The following MTHFD1L variants were observed in gnomAD, a reference collection of about 807,000 sequenced individuals.
MTHFD1L encodes the protein monofunctional C1-tetrahydrofolate synthase, mitochondrial.
Under a neutral mutation model 119.5 loss-of-function variants are expected in MTHFD1L, and 81 were observed. The ratio of observed to expected loss-of-function variants is 0.68; its 90% CI spans 0.57 to 0.82. MTHFD1L has a LOEUF of 0.82. MTHFD1L is among the 40% of genes least tolerant of loss of function. MTHFD1L has a pLI of 0.00. For missense variants in MTHFD1L, 1,125 were observed against 1,253.4 expected, an observed-to-expected ratio of 0.90 and a Z score of 1.55; for synonymous variants, 430 against 475.2, an observed-to-expected ratio of 0.90 and a Z score of 1.24.
intron 17 of MTHFD1L, 110 bp from the exon 18 acceptor site, chr6:150,960,165 G>T (rs1260152758): frequency 7.2e-7 from 1 of 1,388,840 alleles, no homozygotes; most frequent in African/African-American, 1.5e-5. Flanking sequence ...CCTTTTGAGG[G>T]TAGACTCTCT....
At position 151,010,971 on chromosome 6, in the gene MTHFD1L, C is replaced by T. The variant is rs181372934; in HGVS notation, c.2265+1013C>T. Among the ~76,000 whole-genome samples, 28 of 152,262 alleles carry T rather than the reference C, an allele frequency of 1.8e-4. No individual in the cohort carries two copies. The East Asian group carries it at 3.9e-3, about 21-fold the overall frequency. ...GGGAGAGGTGGACATGATTTTTATA[C>T]CATTTTACAGATAAGGAAGCTGAGT... is the stretch of plus-strand genomic sequence containing the variant. On this transcript the variant is annotated intron_variant, in intron 21 of 27. Transcript: ENST00000367321.
intron 10 of MTHFD1L, among the ~76,000 whole-genome samples, chr6:150,925,439 G>A (rs1789767205): frequency 6.6e-6 from 1 of 152,114 alleles, no homozygotes; most frequent in Non-Finnish European, 1.5e-5. Flanking sequence ...AGCAGTGGTG[G>A]CCAGTAAAAT....
chr6:150,930,512 A>G (rs1269950160), intron 11 of MTHFD1L, among the ~76,000 whole-genome samples: 1 of 152,034 alleles, frequency 6.6e-6, no homozygotes, highest in Non-Finnish European at 1.5e-5. Context: ...AAAATTTAAC[A>G]TAAAGTAAAA....
intron 7 of MTHFD1L, among the ~76,000 whole-genome samples, chr6:150,891,627 A>G (rs1315740845): frequency 2.0e-5 from 3 of 151,292 alleles, no homozygotes; most frequent in Non-Finnish European, 2.9e-5. Context: ...AATGCAAACT[A>G]CGAACCAAAT....
chr6:151,084,070 AC>A (rs1246396534), intron 26 of MTHFD1L, among the ~76,000 whole-genome samples: 6 of 152,216 alleles, frequency 3.9e-5, no homozygotes, highest in African/African-American at 1.4e-4. Context: ...TTCCTCAGAA[AC>A]CTTCCTTGAG....
At chr6:150,920,478 A>G (rs1484842312) in intron 9 of MTHFD1L, among the ~76,000 whole-genome samples, 1 of 152,204 alleles carries the variant, frequency 6.6e-6, no homozygotes, top group Non-Finnish European at 1.5e-5. Flanking sequence ...GGGTCATTAG[A>G]CATTTTTGTA....
chr6:151,019,068 ATGGCAGG>A (rs1302779195), intron 24 of MTHFD1L, among the ~76,000 whole-genome samples: 1 of 152,250 alleles, frequency 6.6e-6, no homozygotes, highest in Non-Finnish European at 1.5e-5. Flanking sequence ...GCCAACTCAG[ATGGCAGG>A]TGGCCAAGGA....
intron 1 of MTHFD1L, among the ~76,000 whole-genome samples, chr6:150,868,091 C>T (rs187769589): frequency 1.3e-5 from 2 of 152,000 alleles, no homozygotes. Flanking sequence ...TGACCCACCG[C>T]GCCTGGGCTA....
At chr6:151,094,610 G>A (rs1794738635) in intron 27 of MTHFD1L, among the ~76,000 whole-genome samples, 1 of 152,036 alleles carries the variant, frequency 6.6e-6, no homozygotes, top group Middle Eastern at 3.2e-3. Flanking sequence ...GCGGCACTGT[G>A]TGGGCTCACT....
intron 2 of MTHFD1L, 53 bp downstream of exon 2, chr6:150,876,227 G>A: frequency 1.5e-6 from 2 of 1,349,088 alleles, no homozygotes. Flanking sequence ...TTTCAATTTA[G>A]AAAATGATTG....
At chr6:150,906,327 G>T (rs1452291787) in intron 8 of MTHFD1L, among the ~76,000 whole-genome samples, 1 of 152,204 alleles carries the variant, frequency 6.6e-6, no homozygotes, top group Non-Finnish European at 1.5e-5. Context: ...ATTTTGCCAA[G>T]GTATCCAGGA....
In MTHFD1L at chr6:150,914,591, C is replaced by G. The variant is rs1161045667; in HGVS notation, c.893-3986C>G. Reference sequence around the variant, plus strand: ...GACGGATTGCTTGAGCCTGGGAGGTCAAGGCTGCAATGATCGTGATCACAT... The same window carrying G: ...GACGGATTGCTTGAGCCTGGGAGGTGAAGGCTGCAATGATCGTGATCACAT... On this transcript the variant is annotated intron_variant, in intron 8 of 27. Coordinates refer to ENST00000367321, the MANE Select transcript of MTHFD1L (RefSeq NM_015440.5). 4.6e-5 allele frequency among the ~76,000 whole-genome samples: 7 copies of G among 151,726 alleles called. No individual in the cohort carries two copies. In the East Asian group the frequency reaches 1.4e-3, roughly 30 times the overall value.
At chr6:151,050,804 C>T (rs35219813) in intron 26 of MTHFD1L, among the ~76,000 whole-genome samples, 15,279 of 152,104 alleles carry the variant, frequency 0.1, 1,009 homozygotes, top group Non-Finnish European at 0.15. Flanking sequence ...GAGGAAAACA[C>T]GGTTTGAGGA....
chr6:150,888,994 G>A (rs1285186871), intron 7 of MTHFD1L, among the ~76,000 whole-genome samples: 3 of 152,096 alleles, frequency 2.0e-5, no homozygotes, highest in Admixed American at 6.6e-5. Flanking sequence ...GGCCAATATG[G>A]TGAAACACCG....
chr6:150,904,498 A>G (rs1234962338), intron 7 of MTHFD1L, among the ~76,000 whole-genome samples: 1 of 152,210 alleles, frequency 6.6e-6, no homozygotes, highest in Admixed American at 6.5e-5. Flanking sequence ...AAATGAGCAT[A>G]GTAACACCAA....
At chr6:151,017,232 C>A (rs747658119) in intron 24 of MTHFD1L, among the ~76,000 whole-genome samples, 2 of 152,160 alleles carry the variant, frequency 1.3e-5, no homozygotes, top group Non-Finnish European at 2.9e-5. Context: ...CTACCATTCT[C>A]CTTCATTTCC....
intron 20 of MTHFD1L, among the ~76,000 whole-genome samples, chr6:151,006,547 G>A (rs182939737): frequency 5.3e-5 from 8 of 152,268 alleles, no homozygotes; most frequent in African/African-American, 9.6e-5. Flanking sequence ...CTACACGGGC[G>A]CATTGAAGGG....
chr6:150,955,387 T>C (rs1475314534), intron 16 of MTHFD1L, among the ~76,000 whole-genome samples: 1 of 152,160 alleles, frequency 6.6e-6, no homozygotes, highest in Admixed American at 6.5e-5. Context: ...GGTCGCTTCC[T>C]CCTTTTGACT....
chr6:151,061,448 T>TTTGTTTG (rs1790627275), intron 26 of MTHFD1L, among the ~76,000 whole-genome samples: 1 of 152,236 alleles, frequency 6.6e-6, no homozygotes, highest in African/African-American at 2.4e-5. Flanking sequence ...ATGTTCAGCA[T>TTTGTTTG]AGACCATTTT....
Sources: allele counts gnomAD v4.1 joint callset (sites outside exome capture counted in the v4.1 genomes callset), GRCh38; gene constraint gnomAD v4.1.1; transcripts MANE v1.5; gene names NCBI Gene and HGNC (gene_info 2026-07-23, HGNC 2026-07-21).